The following GPR161 variants were observed in gnomAD, a reference collection of about 807,000 sequenced individuals.
GPR161 encodes G protein-coupled receptor 161, also known as G-protein coupled receptor RE2.
A neutral mutation model predicts 39.2 loss-of-function variants in GPR161; 25 were observed. The ratio of observed to expected loss-of-function variants is 0.64; its 90% CI spans 0.47 to 0.89. The LOEUF is 0.89. Ranked by LOEUF, GPR161 falls within the 40% of genes least tolerant of loss-of-function variation. GPR161 has a pLI of 0.00. For missense variants in GPR161, 547 were observed against 677.8 expected (o/e 0.81, Z 2.14); for synonymous variants, 286 against 276.6 (o/e 1.03, Z -0.34).
chr1:168,115,214 T>C (rs1697523591), intron 1 of GPR161, among the ~76,000 whole-genome samples: 1 of 152,214 alleles, frequency 6.6e-6, no homozygotes, highest in Non-Finnish European at 1.5e-5. Flanking sequence ...TTCTGAATCT[T>C]ATTCTAGTTA....
intron 1 of GPR161, among the ~76,000 whole-genome samples, chr1:168,112,947 A>G (rs554348056): frequency 6.6e-6 from 1 of 152,326 alleles, no homozygotes; most frequent in Non-Finnish European, 1.5e-5. Flanking sequence ...CAGAAGACAG[A>G]GGAGGAATGT....
In GPR161 at chr1:168,125,817, C is replaced by T. The variant is rs533205664; in HGVS notation, c.-45+10922G>A. Among the ~76,000 whole-genome samples, 177 of 152,224 alleles carry T rather than the reference C, an allele frequency of 1.2e-3. 2 individuals carry two copies. Among genetic ancestry groups the T allele is most frequent in the African/African-American group, 3.9e-3 (162 of 41,522 alleles). Reference sequence around the variant, plus strand: ...ATTTTTAGTAGAGATGGGGTTTCACCGTGTTAGCCAGGCTGGTCTCAAACT... The same window carrying T: ...ATTTTTAGTAGAGATGGGGTTTCACTGTGTTAGCCAGGCTGGTCTCAAACT... On this transcript the variant is annotated intron_variant, in intron 1 of 5. Coordinates refer to ENST00000682931, the MANE Select transcript of GPR161 (RefSeq NM_001375883.1).
At chr1:168,120,889 C>T (rs901067974) in intron 1 of GPR161, among the ~76,000 whole-genome samples, 1 of 152,172 alleles carries the variant, frequency 6.6e-6, no homozygotes, top group African/African-American at 2.4e-5. Context: ...TTCAATTAAA[C>T]CTCTTTCCTT....
rs758283663 is a variant in GPR161 at position 168,090,553 on chromosome 1, AC to A, written c.1204+10del. On this transcript the variant is annotated intron_variant, in intron 4 of 5. Coordinates refer to ENST00000682931, the MANE Select transcript of GPR161 (RefSeq NM_001375883.1). ...GCGACAGGTGAGAGGCTTATAAAGCACGCAGGTTACCTGAGTCCTGGGAGCA... is the reference window on the plus strand; with the variant it reads ...GCGACAGGTGAGAGGCTTATAAAGCAGCAGGTTACCTGAGTCCTGGGAGCA... 6.6e-7 allele frequency: 1 copy of A among 1,507,902 alleles called. No individual in the cohort carries two copies. The highest frequency in any genetic ancestry group is 9.2e-7 in the Non-Finnish European group (1 of 1,083,484). 93.4% of individuals were successfully genotyped at this position (1,507,902 alleles called of 1,614,324 possible). A position where few individuals can be genotyped will look rare whatever the true frequency, so the allele number is the denominator to read the frequency against.
chr1:168,136,402 G>A (rs975348046), intron 1 of GPR161: 4 of 1,401,090 alleles, frequency 2.9e-6, no homozygotes, highest in Non-Finnish European at 1.9e-6. Context: ...CCCATCCAGC[G>A]GACTGTTTAG....
At chr1:168,089,190 C>T (rs1307023891) in intron 4 of GPR161, 1 of 145,614 alleles carries the variant, frequency 6.9e-6, no homozygotes, top group Non-Finnish European at 1.5e-5. Context: ...TGGCAAATAA[C>T]TGCTGAATGA....
In GPR161 at chr1:168,098,314, G is replaced by T. The variant is rs938966714; in HGVS notation, c.375-1082C>A. Among the ~76,000 whole-genome samples, 1 of 152,214 alleles carries T rather than the reference G, an allele frequency of 6.6e-6. No individual in the cohort carries two copies. Among genetic ancestry groups the T allele is most frequent in the African/African-American group, 2.4e-5 (1 of 41,448 alleles). On this transcript the variant is annotated intron_variant, in intron 2 of 5. Transcript: ENST00000682931. This position sits in a 1 kb window ranked among gnomAD's most constrained non-coding sequence, Gnocchi z 4.1. ...GGTGGACGGGGCCGGGGCATGCAGAGCTAAGGACTGTAGGCCCAGCTAAGG... is the reference window on the plus strand; with the variant it reads ...GGTGGACGGGGCCGGGGCATGCAGATCTAAGGACTGTAGGCCCAGCTAAGG...
intron 1 of GPR161, among the ~76,000 whole-genome samples, chr1:168,113,812 C>T (rs1450815314): frequency 6.6e-6 from 1 of 152,090 alleles, no homozygotes; most frequent in African/African-American, 2.4e-5. Flanking sequence ...ACAACAGGCA[C>T]TAAGGCCTAC....
chr1:168,133,790 A>G (rs1360872164), intron 1 of GPR161: 1 of 237,566 alleles, frequency 4.2e-6, no homozygotes, highest in African/African-American at 2.3e-5. Context: ...AGTATATTCA[A>G]TATATTCAGG....
intron 2 of GPR161, among the ~76,000 whole-genome samples, chr1:168,099,666 A>T (rs186719693): frequency 6.6e-6 from 1 of 152,132 alleles, no homozygotes; most frequent in African/African-American, 2.4e-5. Context: ...GTGACATGAC[A>T]CTGATTTCTG....
chr1:168,091,250 C>G (rs1289800639), intron 3 of GPR161, among the ~76,000 whole-genome samples: 1 of 152,178 alleles, frequency 6.6e-6, no homozygotes, highest in Non-Finnish European at 1.5e-5. Flanking sequence ...AGCCACTGCT[C>G]TTCTCCAGGC....
intron 1 of GPR161, among the ~76,000 whole-genome samples, chr1:168,132,622 A>G (rs138069511): frequency 4.6e-5 from 7 of 152,168 alleles, no homozygotes; most frequent in African/African-American, 1.7e-4. Flanking sequence ...AATGGTCTCC[A>G]AGATCTAGAT....
chr1:168,087,689 A>T lies in GPR161; in HGVS notation c.1220T>A (p.Leu407Gln), dbSNP rs1258561279. 1 of 1,613,316 alleles carries T rather than the reference A, an allele frequency of 6.2e-7. No individual in the cohort carries two copies. The highest frequency in any genetic ancestry group is 1.7e-5 in the Admixed American group (1 of 59,950). Residue 407 changes from leucine to glutamine, a missense_variant, in exon 5 of 6, where the codon CTG becomes CAG. Transcript: ENST00000682931. Reference sequence around the variant, plus strand: ...GTCATCAGACGTGTAGTCCTCAAGCAGCATCATATCTGTCCCTAAAACAAC... The same window carrying T: ...GTCATCAGACGTGTAGTCCTCAAGCTGCATCATATCTGTCCCTAAAACAAC... Reference protein sequence around the residue: ...CSQDSGTDMMLLEDYTSDDNP... With the variant: ...CSQDSGTDMMQLEDYTSDDNP...
chr1:168,097,147 G>GGCTT lies in GPR161; in HGVS notation c.459_460insAAGC (p.His154LysfsTer20). 6.2e-7 allele frequency: 1 copy of GGCTT among 1,614,142 alleles called. No individual in the cohort carries two copies. The highest frequency in any genetic ancestry group is 8.5e-7 in the Non-Finnish European group (1 of 1,180,038). ...GGTGGCAGGCAGCCGATGAGCGAGT[G>GGCTT]AAGCCAGATGTAGACAAGTGCCATC... On this transcript the variant is annotated frameshift_variant, in exon 3 of 6. Coordinates refer to ENST00000682931, the MANE Select transcript of GPR161 (RefSeq NM_001375883.1). LOFTEE classifies it high-confidence loss of function.
At chr1:168,132,564 G>A (rs2102268432) in intron 1 of GPR161, among the ~76,000 whole-genome samples, 1 of 150,894 alleles carries the variant, frequency 6.6e-6, no homozygotes, top group African/African-American at 2.4e-5. Context: ...CTCCAGCCTG[G>A]GTGACTGAGC....
Position 168,104,578 on chromosome 1 carries a change from C to T in GPR161, c.273G>A (p.Arg91=), listed in dbSNP as rs369667418. The change falls in exon 2 of 6, where the codon AGG becomes AGA. Residue 91 remains arginine, a synonymous_variant. Transcript: ENST00000682931. ...LPFVVTSSIR[R]EWIFGVVWCN... ...ACCACACTACACCAAAGATCCATTC[C>T]CTGCGGATGGAGCTCGTCACCACAA... 1.2e-6 allele frequency: 2 copies of T among 1,613,360 alleles called. No individual in the cohort carries two copies. Among genetic ancestry groups the T allele is most frequent in the South Asian group, 2.2e-5 (2 of 91,056 alleles).
intron 3 of GPR161, among the ~76,000 whole-genome samples, chr1:168,092,437 C>T (rs1695152614): frequency 6.6e-6 from 1 of 152,206 alleles, no homozygotes; most frequent in Admixed American, 6.5e-5. Context: ...AGCCAGGTGG[C>T]ATCCCTCTCC....
At position 168,081,767 on chromosome 1, in the gene GPR161, AAC is replaced by A. The variant is rs1309149259; in HGVS notation, c.*3762_*3763del. 1 of 152,380 alleles carries A rather than the reference AAC, an allele frequency of 6.6e-6. No homozygotes were observed. The highest frequency in any genetic ancestry group is 6.5e-5 in the Admixed American group (1 of 15,286). The allele number at this position is 152,380 out of a possible 1,614,324, so 9.4% of individuals were successfully genotyped here. ...TGAGATAAAGCATTTGGAAGTACCT[AAC>A]ACAGCACCTAGCACATCATAGGCCC... On this transcript the variant is annotated 3_prime_UTR_variant, in exon 6 of 6. Coordinates refer to ENST00000682931, the MANE Select transcript of GPR161 (RefSeq NM_001375883.1).
At chr1:168,085,872 G>C in intron 5 of GPR161, 76 bp from the exon 6 acceptor site, 1 of 1,318,314 alleles carries the variant, frequency 7.6e-7, no homozygotes, top group Admixed American at 2.2e-5. Context: ...GCCTGCTGCT[G>C]CTCCACCACC....
Sources: allele counts gnomAD v4.1 joint callset (sites outside exome capture counted in the v4.1 genomes callset), GRCh38; gene constraint gnomAD v4.1.1; non-coding constraint Gnocchi (gnomAD v3.1); transcripts MANE v1.5; gene names NCBI Gene and HGNC (gene_info 2026-07-23, HGNC 2026-07-21).